STX8: variants seen among roughly 807,000 people sequenced by gnomAD.
STX8 encodes syntaxin-8.
Under a neutral mutation model 37.5 loss-of-function variants are expected in STX8, and 23 were observed. The ratio of observed to expected loss-of-function variants is 0.61; its 90% CI spans 0.44 to 0.87. The LOEUF (loss-of-function observed/expected upper bound fraction) is 0.87. STX8 is among the 40% of genes least tolerant of loss of function. The pLI, the probability that STX8 is intolerant of heterozygous loss-of-function variation, is 0.00. For missense variants in STX8, 313 were observed against 284.7 expected (o/e 1.10, Z -0.71); for synonymous variants, 115 against 99.1 (o/e 1.16, Z -0.95).
intron 6 of STX8, chr17:9,437,683 G>A (rs1165716343): frequency 6.6e-6 from 1 of 152,134 alleles, no homozygotes; most frequent in Admixed American, 6.5e-5. Context: ...AATTAATACT[G>A]TCCCTGCTAG....
intron 2 of STX8, among the ~76,000 whole-genome samples, chr17:9,560,687 A>T (rs1207140204): frequency 1.3e-5 from 2 of 152,096 alleles, no homozygotes; most frequent in Non-Finnish European, 2.9e-5. Flanking sequence ...GTCTACTTGA[A>T]ATTCCATTTG....
intron 6 of STX8, among the ~76,000 whole-genome samples, chr17:9,389,332 C>G (rs886617883): frequency 6.6e-6 from 1 of 152,202 alleles, no homozygotes; most frequent in Non-Finnish European, 1.5e-5. Context: ...TGTGAAACAA[C>G]CAGCTGACTA....
At chr17:9,494,827 C>T (rs945808503) in intron 5 of STX8, among the ~76,000 whole-genome samples, 10 of 152,048 alleles carry the variant, frequency 6.6e-5, no homozygotes, top group South Asian at 4.2e-4. Flanking sequence ...CTGGGGGTCT[C>T]GGTCATGTCT....
At chr17:9,339,610 C>T (rs908467856) in intron 7 of STX8, among the ~76,000 whole-genome samples, 2 of 152,082 alleles carry the variant, frequency 1.3e-5, no homozygotes, top group Admixed American at 6.6e-5. Flanking sequence ...GCCGAGATCG[C>T]GCCACTGCGC....
intron 4 of STX8, among the ~76,000 whole-genome samples, chr17:9,531,095 A>G (rs1169860872): frequency 1.2e-4 from 19 of 152,220 alleles, no homozygotes; most frequent in Admixed American, 1.1e-3. Flanking sequence ...AGGTGACAAT[A>G]TATGTGTTAG....
intron 7 of STX8, among the ~76,000 whole-genome samples, chr17:9,272,535 G>T (rs544415078): frequency 6.6e-6 from 1 of 152,298 alleles, no homozygotes; most frequent in South Asian, 2.1e-4. Context: ...TCACAAGGGG[G>T]TGCCTTCTCA....
intron 4 of STX8, among the ~76,000 whole-genome samples, chr17:9,540,288 G>A (rs1454143220): frequency 1.3e-5 from 2 of 152,150 alleles, no homozygotes; most frequent in Non-Finnish European, 2.9e-5. Flanking sequence ...CTAGCTAGCT[G>A]GGTATTTGTT....
At chr17:9,548,231 A>C (rs2142576131) in intron 3 of STX8, among the ~76,000 whole-genome samples, 1 of 152,070 alleles carries the variant, frequency 6.6e-6, no homozygotes, top group African/African-American at 2.4e-5. Flanking sequence ...CAGCCTCCCA[A>C]GTAGCTGGGA....
chr17:9,478,810 C>A (rs564345209), intron 6 of STX8, among the ~76,000 whole-genome samples: 2 of 152,270 alleles, frequency 1.3e-5, no homozygotes, highest in East Asian at 3.9e-4. Context: ...TGAGATCTCA[C>A]AGGAGATATC....
chr17:9,574,942 AGGATGT>A (rs1309729234), intron 1 of STX8, among the ~76,000 whole-genome samples: 2 of 152,376 alleles, frequency 1.3e-5, no homozygotes, highest in East Asian at 3.9e-4. Flanking sequence ...TCTAATATCC[AGGATGT>A]GGGCAACTTA....
chr17:9,427,984 T>C (rs1291197252), intron 6 of STX8, among the ~76,000 whole-genome samples: 1 of 152,158 alleles, frequency 6.6e-6, no homozygotes, highest in Non-Finnish European at 1.5e-5. Context: ...ACATCATTCC[T>C]CTGCTTTTCA....
intron 7 of STX8, among the ~76,000 whole-genome samples, chr17:9,297,650 T>C (rs1908615023): frequency 6.6e-6 from 1 of 152,204 alleles, no homozygotes; most frequent in African/African-American, 2.4e-5. Context: ...GGAGGACTGC[T>C]TGAGCCCAAG....
intron 7 of STX8, among the ~76,000 whole-genome samples, chr17:9,296,288 G>A (rs894327662): frequency 1.3e-5 from 2 of 151,796 alleles, no homozygotes; most frequent in African/African-American, 4.8e-5. Flanking sequence ...AGAGCTTGCA[G>A]TGAGCTGAGA....
chr17:9,310,587 G>A (rs1909157003), intron 7 of STX8, among the ~76,000 whole-genome samples: 1 of 152,182 alleles, frequency 6.6e-6, no homozygotes, highest in Non-Finnish European at 1.5e-5. Context: ...TTGTATGTGA[G>A]CAAAGAGTGT....
intron 6 of STX8, among the ~76,000 whole-genome samples, chr17:9,423,809 C>T (rs1913528391): frequency 6.6e-6 from 1 of 152,194 alleles, no homozygotes. Flanking sequence ...AAGCTAGACA[C>T]TGCACCAGAC....
intron 5 of STX8, among the ~76,000 whole-genome samples, chr17:9,502,137 A>G (rs1353980829): frequency 1.3e-5 from 2 of 152,246 alleles, no homozygotes; most frequent in East Asian, 3.8e-4. Flanking sequence ...TATGGAAAAC[A>G]GTATGGAGGT....
At chr17:9,534,002 GTCTATT>G (rs1201768504) in intron 4 of STX8, among the ~76,000 whole-genome samples, 1 of 152,018 alleles carries the variant, frequency 6.6e-6, no homozygotes, top group Non-Finnish European at 1.5e-5. Flanking sequence ...TGATACAATA[GTCTATT>G]TCTATTTTGA....
chr17:9,302,174 TAGA>T (rs1299116498), intron 7 of STX8, among the ~76,000 whole-genome samples: 4 of 152,314 alleles, frequency 2.6e-5, no homozygotes, highest in East Asian at 3.9e-4. Flanking sequence ...TGAAGTTTTC[TAGA>T]AGATCATTGA....
In STX8 at chr17:9,429,730, TTATATTATATATTA is replaced by T. The variant is rs377049415; in HGVS notation, c.542-51091_542-51078del. On this transcript the variant is annotated intron_variant, in intron 6 of 7. Transcript: ENST00000306357. Reference sequence around the variant, plus strand: ...AAAAATATATATTATATATTTTATATTATATTATATATTATATATATTATATTTTATATATTATA... The same window carrying T: ...AAAAATATATATTATATATTTTATATTATATATTATATTTTATATATTATA... Among the ~76,000 whole-genome samples, 173 of 35,716 alleles carry T rather than the reference TTATATTATATATTA, an allele frequency of 4.8e-3. 1 individual carries two copies. Among genetic ancestry groups the T allele is most frequent in the Non-Finnish European group, 7.0e-3 (100 of 14,272 alleles). 23.4% of individuals were successfully genotyped at this position (35,716 alleles called of 152,430 possible).
Sources: allele counts gnomAD v4.1 joint callset (sites outside exome capture counted in the v4.1 genomes callset), GRCh38; gene constraint gnomAD v4.1.1; transcripts MANE v1.5; gene names NCBI Gene and HGNC (gene_info 2026-07-23, HGNC 2026-07-21).